The following CC2D1B variants were observed in gnomAD, a reference collection of about 807,000 sequenced individuals.
The protein encoded by CC2D1B is coiled-coil and C2 domain-containing protein 1B.
Under a neutral mutation model 110.8 loss-of-function variants are expected in CC2D1B, and 92 were observed. That is an observed-to-expected ratio of 0.83 (90% CI 0.70 to 0.99). The LOEUF is 0.99. Ranked by LOEUF, CC2D1B falls within the 50% of genes least tolerant of loss-of-function variation. The pLI is 0.00. For synonymous variants in CC2D1B, 406 were observed against 429.2 expected, an observed-to-expected ratio of 0.95 and a Z score of 0.67; for missense variants, 1,136 against 1,089.0, an observed-to-expected ratio of 1.04 and a Z score of -0.61.
rs543069040 is a variant in CC2D1B at position 52,353,408 on chromosome 1, G to GTCTT, written c.*1+106_*1+109dup. The GTCTT allele has an allele frequency of 1.1e-4, 160 of 1,522,412 alleles. 1 individual carries two copies. The African/African-American group carries it at 1.6e-3, about 15-fold the overall frequency. 94.3% of individuals were successfully genotyped at this position (1,522,412 alleles called of 1,614,324 possible). ...CCATAAGCCCTACCCAGCATGGTAGGTCTTTCTCATAGATGAGAAACTCCT... is the reference window on the plus strand; with the variant it reads ...CCATAAGCCCTACCCAGCATGGTAGGTCTTTCTTTCTCATAGATGAGAAACTCCT... On this transcript the variant is annotated intron_variant, in intron 24 of 24. Transcript: ENST00000284376.
At chr1:52,357,500 C>T (rs1413627292) in intron 15 of CC2D1B, 26 bp downstream of exon 15, 4 of 1,553,438 alleles carry the variant, frequency 2.6e-6, no homozygotes, top group Non-Finnish European at 2.6e-6. Context: ...CTGAGAAGTC[C>T]TGGTGGTTAA....
chr1:52,357,549 C>G lies in CC2D1B; in HGVS notation c.1729G>C (p.Gly577Arg). Residue 577 changes from glycine to arginine, a missense_variant, in exon 15 of 25, where the codon GGC becomes CGC. By Grantham distance (125) the Gly-to-Arg change is moderately radical (BLOSUM62 -2). Transcript: ENST00000284376. Reference protein sequence around the residue: ...LEAQIIQARSGRPVDLSKVPS... With the variant: ...LEAQIIQARSRRPVDLSKVPS... ...ACCTTGGACAGATCAACAGGTCTGCCAGATCGGGCCTGGATGATCTGAGCC... is the reference window on the plus strand; with the variant it reads ...ACCTTGGACAGATCAACAGGTCTGCGAGATCGGGCCTGGATGATCTGAGCC... The G allele has an allele frequency of 6.3e-7, 1 of 1,580,482 alleles. No individual in the cohort carries two copies. The highest frequency in any genetic ancestry group is 8.6e-7 in the Non-Finnish European group (1 of 1,161,802).
chr1:52,360,757 G>A, intron 5 of CC2D1B: 1 of 911,006 alleles, frequency 1.1e-6, no homozygotes. Flanking sequence ...TGGAAGCCAG[G>A]ATATGGCTCC....
chr1:52,355,312 G>T, intron 21 of CC2D1B, 86 bp downstream of exon 21: 2 of 1,372,924 alleles, frequency 1.5e-6, no homozygotes, highest in East Asian at 2.4e-5. Flanking sequence ...GATCAAGTAA[G>T]GGCATAGATG....
chr1:52,357,286 C>CCCAAG, intron 15 of CC2D1B, 160 bp from the exon 16 acceptor site: 1 of 956,430 alleles, frequency 1.0e-6, no homozygotes, highest in Non-Finnish European at 1.6e-6. Context: ...AACACTCTTG[C>CCCAAG]CTCCCATGGC....
intron 13 of CC2D1B, 116 bp from the exon 14 acceptor site, chr1:52,358,014 G>A: frequency 1.4e-6 from 2 of 1,435,346 alleles, no homozygotes; most frequent in Non-Finnish European, 9.3e-7. Context: ...GACCTGAGAT[G>A]GGTGGCTTCT....
At position 52,356,260 on chromosome 1, in the gene CC2D1B, G is replaced by C. The variant is rs754431401; in HGVS notation, c.1980C>G (p.Ile660Met). The change falls in exon 18 of 25, where the codon ATC (isoleucine) becomes ATG (methionine). Residue 660 changes from isoleucine (I) to methionine (M), a missense_variant. Physicochemically the swap from Ile to Met is conservative, Grantham distance 10. Transcript: ENST00000284376. ...GGCCCTGAGCCTGGGCCAGCTGCAG[G>C]ATCTCCAGCTGTTTCTTGCGGTCCT... is the stretch of plus-strand genomic sequence containing the variant. ...LAQDRKKQLEILQLAQAQGLD... is the reference protein window; with the variant it reads ...LAQDRKKQLEMLQLAQAQGLD... The C allele has an allele frequency of 4.8e-5, 77 of 1,614,076 alleles. No homozygotes were observed. The highest frequency in any genetic ancestry group is 6.3e-5 in the Non-Finnish European group (74 of 1,180,040).
intron 18 of CC2D1B, 58 bp downstream of exon 18, chr1:52,356,128 G>A: frequency 6.9e-7 from 1 of 1,445,086 alleles, no homozygotes; most frequent in South Asian, 1.2e-5. Context: ...CTCTGGCCTG[G>A]GCTCCCAGCC....
rs778278216 is a variant in CC2D1B at position 52,354,656 on chromosome 1, C to G, written c.2382G>C (p.Leu794=). The G allele has an allele frequency of 6.2e-7, 1 of 1,614,252 alleles. No homozygotes were observed. The highest frequency in any genetic ancestry group is 2.2e-5 in the East Asian group (1 of 44,878). ...RSDKLVGTAH[L]KLERLENECE... is the part of the protein sequence containing the mutation. ...ACTCATTCTCCAGCCGCTCCAGTTT[C>G]AGGTGTGCTGTGCCAACCAGCTTGT... Residue 794 remains leucine (L), a synonymous_variant, in exon 23 of 25, where the codon CTG becomes CTC. Coordinates refer to ENST00000284376, the MANE Select transcript of CC2D1B (RefSeq NM_001330585.2).
rs1646611454 is a variant in CC2D1B at position 52,354,842 on chromosome 1, T to G, written c.2337A>C (p.Lys779Asn). The change falls in exon 22 of 25, where the codon AAA (lysine) becomes AAC (asparagine). Residue 779 changes from lysine to asparagine, a missense_variant and splice_region_variant. Transcript: ENST00000284376. The stretch of plus-strand genomic sequence containing the variant: ...AGCATGACCGATAGGAGCCTCACCC[T>G]TTGTGGAAGATCTCAAACTTGATGC... ...SKGIKFEIFHKGSFFRSDKLV... is the reference protein window; with the variant it reads ...SKGIKFEIFHNGSFFRSDKLV... The G allele has an allele frequency of 1.9e-6, 3 of 1,613,986 alleles. No individual in the cohort carries two copies. Among genetic ancestry groups the G allele is most frequent in the Non-Finnish European group, 2.5e-6 (3 of 1,179,824 alleles).
At position 52,357,887 on chromosome 1, in the gene CC2D1B, TG is replaced by T. The variant is rs747396375; in HGVS notation, c.1472del (p.Pro491GlnfsTer73). 6.4e-7 allele frequency: 1 copy of T among 1,563,476 alleles called. No homozygotes were observed. The highest frequency in any genetic ancestry group is 8.6e-7 in the Non-Finnish European group (1 of 1,159,786). Reference protein sequence around the residue: ...ADKDEDEGEPPAQAPVAKKPA... With the variant: ...ADKDEDEGEPXAQAPVAKKPA... ...GTTTCTTGGCCACTGGGGCCTGTGC[TG>T]GGGGCTCACCCTGCAGGTGCCCAGG... On this transcript the variant is annotated frameshift_variant, in exon 14 of 25. Transcript: ENST00000284376. LOFTEE classifies it high-confidence loss of function.
Position 52,362,660 on chromosome 1 carries a change from C to G in CC2D1B, c.156G>C (p.Leu52=), listed in dbSNP as rs1228374078. The part of the protein sequence containing the change: ...AEDDEDLEAE[L]LALTGEAQTT... The stretch of plus-strand genomic sequence containing the variant: ...TTTGTGCTTCCCCTGTGAGAGCCAG[C>G]AGCTCAGCCTCCAGGTCCTCATCAT... The change falls in exon 3 of 25, where the codon CTG becomes CTC. Residue 52 remains leucine (L), a synonymous_variant. Coordinates refer to ENST00000284376, the MANE Select transcript of CC2D1B (RefSeq NM_001330585.2). The G allele has an allele frequency of 1.2e-6, 2 of 1,614,098 alleles. No homozygotes were observed. The highest frequency in any genetic ancestry group is 2.2e-5 in the East Asian group (1 of 44,900).
chr1:52,364,552 C>G lies in CC2D1B; in HGVS notation c.69G>C (p.Gln23His), dbSNP rs13376401. 3.1e-6 allele frequency: 5 copies of G among 1,599,820 alleles called. No homozygotes were observed. The highest frequency in any genetic ancestry group is 4.3e-6 in the Non-Finnish European group (5 of 1,169,066). The change falls in exon 2 of 25, where the codon CAG becomes CAC. Residue 23 changes from glutamine (Q) to histidine (H), a missense_variant and splice_region_variant. Gln to His is a conservative substitution (Grantham distance 24). Transcript: ENST00000284376. ...TAGCCTAGAAGGCTAAGTTCCATAC[C>G]TGCTTGGCAGCGGCCACCCCTTGGC... ...ARGQGVAAAK[Q>H]MGLFMEFGPE...
chr1:52,360,264 C>A (rs1315354595), intron 6 of CC2D1B, 31 bp from the exon 7 acceptor site: 3 of 1,612,038 alleles, frequency 1.9e-6, no homozygotes, highest in African/African-American at 1.3e-5. Flanking sequence ...AGAAACCCAG[C>A]CAGCCATCTC....
intron 23 of CC2D1B, chr1:52,353,956 A>C (rs1646583907): frequency 3.3e-6 from 1 of 299,376 alleles, no homozygotes; most frequent in Non-Finnish European, 6.3e-6. Context: ...CCTTCCACTG[A>C]CCCAAACCCT....
chr1:52,354,655 T>C lies in CC2D1B; in HGVS notation c.2383A>G (p.Lys795Glu). 1 of 1,614,210 alleles carries C rather than the reference T, an allele frequency of 6.2e-7. No individual in the cohort carries two copies. The highest frequency in any genetic ancestry group is 1.1e-5 in the South Asian group (1 of 91,088). ...CACTCATTCTCCAGCCGCTCCAGTT[T>C]CAGGTGTGCTGTGCCAACCAGCTTG... ...SDKLVGTAHL[K>E]LERLENECEI... Residue 795 changes from lysine (K) to glutamate (E), a missense_variant, in exon 23 of 25, where the codon AAA becomes GAA. By Grantham distance (56) the Lys-to-Glu change is moderately conservative. Coordinates refer to ENST00000284376, the MANE Select transcript of CC2D1B (RefSeq NM_001330585.2).
chr1:52,360,975 T>C lies in CC2D1B; in HGVS notation c.476A>G (p.Gln159Arg), dbSNP rs1455300949. Reference protein sequence around the residue: ...AVLTASAPAAQAGASQGLHAL... With the variant: ...AVLTASAPAARAGASQGLHAL... ...CAGGGGCCCTCCTCCAGAACCCACC[T>C]GAGCTGCTGGGGCTGAAGCTGTCAG... is the stretch of plus-strand genomic sequence containing the variant. The change falls in exon 5 of 25, where the codon CAG (glutamine) becomes CGG (arginine). Residue 159 changes from glutamine to arginine, a missense_variant and splice_region_variant. By Grantham distance (43) the Gln-to-Arg change is conservative. Coordinates refer to ENST00000284376, the MANE Select transcript of CC2D1B (RefSeq NM_001330585.2). The C allele has an allele frequency of 1.9e-6, 3 of 1,613,634 alleles. No homozygotes were observed. In the Admixed American group the frequency reaches 5.0e-5, roughly 27 times the overall value.
chr1:52,358,848 G>A, intron 11 of CC2D1B, 90 bp from the exon 12 acceptor site: 1 of 1,457,740 alleles, frequency 6.9e-7, no homozygotes, highest in South Asian at 1.3e-5. Flanking sequence ...AGGAGAGGGA[G>A]ACTGGTGGGA....
At chr1:52,353,422 T>G in intron 24 of CC2D1B, 96 bp downstream of exon 24, 1 of 1,524,758 alleles carries the variant, frequency 6.6e-7, no homozygotes, top group South Asian at 1.3e-5. Flanking sequence ...TTCTCATAGA[T>G]GAGAAACTCC....
Sources: allele counts gnomAD v4.1 joint callset, GRCh38; gene constraint gnomAD v4.1.1; transcripts MANE v1.5; gene names NCBI Gene and HGNC (gene_info 2026-07-23, HGNC 2026-07-21).